Variants in GRID2 observed in about 807,000 individuals in gnomAD.
The protein encoded by GRID2 is glutamate receptor ionotropic, delta-2.
Under a neutral mutation model 114.8 loss-of-function variants are expected in GRID2, and 33 were observed. That is an observed-to-expected ratio of 0.29 (90% CI 0.22 to 0.38). GRID2 has a LOEUF of 0.38. Ranked by LOEUF, GRID2 falls within the 10% of genes least tolerant of loss-of-function variation. The probability of loss-of-function intolerance (pLI) is 1.00; values close to 1 mark genes in which losing one functional copy is unlikely to be tolerated. For missense variants in GRID2, 1,184 were observed against 1,257.7 expected (o/e 0.94, Z 0.89); for synonymous variants, 505 against 449.9 (o/e 1.12, Z -1.55).
At chr4:92,404,106 G>C (rs1269045630) in intron 1 of GRID2, among the ~76,000 whole-genome samples, 1 of 152,162 alleles carries the variant, frequency 6.6e-6, no homozygotes, top group Non-Finnish European at 1.5e-5. Context: ...GGCATCGATA[G>C]ATTTGCTCAA....
intron 2 of GRID2, among the ~76,000 whole-genome samples, chr4:92,600,075 T>C (rs1050044080): frequency 7.4e-6 from 1 of 134,998 alleles, no homozygotes; most frequent in South Asian, 2.3e-4. Context: ...TATATATATA[T>C]ATATATATAT....
At chr4:93,196,154 T>A (rs771490946) in intron 4 of GRID2, among the ~76,000 whole-genome samples, 1 of 152,176 alleles carries the variant, frequency 6.6e-6, no homozygotes, top group Non-Finnish European at 1.5e-5. Flanking sequence ...AAAGTTTCCA[T>A]GCTATCAAGC....
At chr4:92,449,710 T>TATATATATATAAAA (rs1266661271) in intron 1 of GRID2, among the ~76,000 whole-genome samples, 5 of 131,722 alleles carry the variant, frequency 3.8e-5, no homozygotes, top group African/African-American at 1.5e-4. Flanking sequence ...TATATATATA[T>TATATATATATAAAA]AACACTTAAG....
At chr4:93,028,820 T>G (rs1728088666) in intron 2 of GRID2, among the ~76,000 whole-genome samples, 1 of 152,052 alleles carries the variant, frequency 6.6e-6, no homozygotes, top group African/African-American at 2.4e-5. Flanking sequence ...CTGCTCCCAC[T>G]TAGAGGATCT....
intron 4 of GRID2, among the ~76,000 whole-genome samples, chr4:93,179,838 G>A (rs1739714159): frequency 6.6e-6 from 1 of 151,992 alleles, no homozygotes; most frequent in African/African-American, 2.4e-5. Flanking sequence ...AACGATGGGG[G>A]GACTGATGCA....
chr4:93,126,027 A>T (rs1215069143), intron 4 of GRID2, among the ~76,000 whole-genome samples: 1 of 152,224 alleles, frequency 6.6e-6, no homozygotes, highest in African/African-American at 2.4e-5. Context: ...TGAGACGTAC[A>T]TCTACTGATC....
chr4:92,565,348 T>A (rs1727285150), intron 1 of GRID2, among the ~76,000 whole-genome samples: 1 of 152,002 alleles, frequency 6.6e-6, no homozygotes, highest in Non-Finnish European at 1.5e-5. Flanking sequence ...ATTATTTTTC[T>A]TAGTATAGTT....
chr4:93,439,748 G>T (rs1252010375), intron 10 of GRID2, among the ~76,000 whole-genome samples: 2 of 151,972 alleles, frequency 1.3e-5, no homozygotes, highest in Non-Finnish European at 2.9e-5. Context: ...GGAGGAGAGG[G>T]TTAACTTTGG....
At chr4:93,298,714 C>T (rs1341377583) in intron 8 of GRID2, among the ~76,000 whole-genome samples, 1 of 152,220 alleles carries the variant, frequency 6.6e-6, no homozygotes, top group Non-Finnish European at 1.5e-5. Flanking sequence ...CTTACTGTTC[C>T]TCCTCCCTGT....
intron 1 of GRID2, among the ~76,000 whole-genome samples, chr4:92,574,720 G>T (rs1727803431): frequency 6.6e-6 from 1 of 151,994 alleles, no homozygotes; most frequent in Non-Finnish European, 1.5e-5. Flanking sequence ...CCCTTTGTCG[G>T]TCACCTGCGT....
At chr4:92,583,969 A>C (rs1157108816) in intron 1 of GRID2, among the ~76,000 whole-genome samples, 1 of 151,066 alleles carries the variant, frequency 6.6e-6, no homozygotes, top group Non-Finnish European at 1.5e-5. Flanking sequence ...CATTGTAATG[A>C]TATCCCACTG....
At chr4:93,222,069 G>A (rs1186177750) in intron 6 of GRID2, among the ~76,000 whole-genome samples, 3 of 151,794 alleles carry the variant, frequency 2.0e-5, no homozygotes, top group Admixed American at 6.6e-5. Flanking sequence ...TCCATCCTTC[G>A]TCTTCTTTTA....
At chr4:93,235,254 T>C (rs1312705097) in intron 7 of GRID2, among the ~76,000 whole-genome samples, 2 of 152,166 alleles carry the variant, frequency 1.3e-5, no homozygotes, top group African/African-American at 4.8e-5. Flanking sequence ...TTTCATATTT[T>C]TTAAAAAGGT....
intron 4 of GRID2, among the ~76,000 whole-genome samples, chr4:93,129,633 C>G (rs900366461): frequency 6.6e-6 from 1 of 152,194 alleles, no homozygotes; most frequent in African/African-American, 2.4e-5. Flanking sequence ...GGCATCTCAA[C>G]ACTAAACCTT....
chr4:93,442,631 G>C (rs546035146), intron 10 of GRID2, among the ~76,000 whole-genome samples: 3 of 151,598 alleles, frequency 2.0e-5, no homozygotes, highest in Admixed American at 6.6e-5. Flanking sequence ...GAGACAGAGA[G>C]AGAGAGAGAA....
intron 2 of GRID2, among the ~76,000 whole-genome samples, chr4:93,061,495 T>C (rs2149293424): frequency 6.6e-6 from 1 of 152,170 alleles, no homozygotes; most frequent in South Asian, 2.1e-4. Flanking sequence ...ACTCCAACAA[T>C]TCTAGTGATG....
intron 2 of GRID2, among the ~76,000 whole-genome samples, chr4:93,017,707 G>A (rs1241370455): frequency 6.6e-6 from 1 of 150,972 alleles, no homozygotes; most frequent in African/African-American, 2.4e-5. Flanking sequence ...TCAGGAGGCT[G>A]AGGCTTGAAC....
intron 4 of GRID2, among the ~76,000 whole-genome samples, chr4:93,176,071 G>T (rs142630975): frequency 6.6e-6 from 1 of 152,126 alleles, no homozygotes; most frequent in Admixed American, 6.5e-5. Flanking sequence ...TATAATTATT[G>T]GTTTAATAAT....
intron 2 of GRID2, among the ~76,000 whole-genome samples, chr4:92,833,390 G>A (rs1431881718): frequency 2.6e-5 from 4 of 152,180 alleles, no homozygotes; most frequent in Non-Finnish European, 4.4e-5. Flanking sequence ...TGTCAAGAAT[G>A]AGTATCTGTT....
Sources: allele counts gnomAD v4.1 joint callset (sites outside exome capture counted in the v4.1 genomes callset), GRCh38; gene constraint gnomAD v4.1.1; transcripts MANE v1.5; gene names NCBI Gene and HGNC (gene_info 2026-07-23, HGNC 2026-07-21).